CCDC60: variants seen among roughly 807,000 people sequenced by gnomAD.
The protein encoded by CCDC60 is coiled-coil domain-containing protein 60.
In CCDC60, 54 loss-of-function variants were observed where a neutral mutation model predicts 63.5. The observed-to-expected ratio is 0.85, with a 90% CI of 0.68 to 1.07. The LOEUF is 1.07. Among genes scored for constraint, CCDC60 ranks in the 50% least tolerant of loss-of-function variants. The pLI is 0.00. For synonymous variants in CCDC60, 206 were observed against 238.8 expected (o/e 0.86, Z 1.27); for missense variants, 651 against 684.3 (o/e 0.95, Z 0.54).
At chr12:119,429,358 A>G (rs1380290061) in intron 2 of CCDC60, among the ~76,000 whole-genome samples, 1 of 151,846 alleles carries the variant, frequency 6.6e-6, no homozygotes, top group Non-Finnish European at 1.5e-5. Flanking sequence ...ATCTCTGTCT[A>G]GTGAGATGGA....
intron 7 of CCDC60, among the ~76,000 whole-genome samples, chr12:119,506,438 CAAAAAAAAAAA>C (rs35584778): frequency 1.1e-5 from 1 of 87,390 alleles, no homozygotes; most frequent in Non-Finnish European, 2.2e-5. Flanking sequence ...CCTCATCTCT[CAAAAAAAAAAA>C]AAAAAAAAAA....
At chr12:119,354,466 G>A (rs1200120654) in intron 1 of CCDC60, among the ~76,000 whole-genome samples, 5 of 152,106 alleles carry the variant, frequency 3.3e-5, no homozygotes, top group Non-Finnish European at 5.9e-5. Flanking sequence ...GAAAATCATC[G>A]GGTGTCTCCA....
intron 9 of CCDC60, among the ~76,000 whole-genome samples, chr12:119,522,206 G>A (rs1952548599): frequency 6.6e-6 from 1 of 152,246 alleles, no homozygotes; most frequent in African/African-American, 2.4e-5. Flanking sequence ...GAGTCAGAGA[G>A]AAGGTGCTAG....
chr12:119,372,892 A>G (rs931367323), intron 1 of CCDC60, among the ~76,000 whole-genome samples: 1 of 152,216 alleles, frequency 6.6e-6, no homozygotes, highest in Non-Finnish European at 1.5e-5. Flanking sequence ...AACTCTAACA[A>G]GGCGTTTCAA....
rs567403878 is a variant in CCDC60 at position 119,426,008 on chromosome 12, A to C, written c.91-2675A>C. ...AGGGTGAACAGATGTTGTATGTGTGAGACAAACGAATGTTCATTATGCAAA... is the reference window on the plus strand; with the variant it reads ...AGGGTGAACAGATGTTGTATGTGTGCGACAAACGAATGTTCATTATGCAAA... On this transcript the variant is annotated intron_variant, in intron 1 of 13. Coordinates refer to ENST00000327554, the MANE Select transcript of CCDC60 (RefSeq NM_178499.5). Among the ~76,000 whole-genome samples the C allele has an allele frequency of 3.4e-4, 52 of 152,318 alleles. 2 individuals are homozygous for C. The South Asian group carries it at 0.011, about 32-fold the overall frequency.
chr12:119,409,306 T>A (rs1404904028), intron 1 of CCDC60, among the ~76,000 whole-genome samples: 3 of 152,114 alleles, frequency 2.0e-5, no homozygotes, highest in Non-Finnish European at 4.4e-5. Context: ...CTGATACGGC[T>A]TTGTGGGGGA....
chr12:119,493,411 A>G (rs1951638442), intron 5 of CCDC60, among the ~76,000 whole-genome samples: 1 of 152,168 alleles, frequency 6.6e-6, no homozygotes, highest in Non-Finnish European at 1.5e-5. Context: ...AAGCAGAAGA[A>G]CAATCTTTGT....
chr12:119,499,109 G>A (rs1484809081), intron 5 of CCDC60, among the ~76,000 whole-genome samples: 1 of 152,164 alleles, frequency 6.6e-6, no homozygotes, highest in Non-Finnish European at 1.5e-5. Flanking sequence ...CCCTCAGAGG[G>A]ATTATGTTAA....
chr12:119,368,878 T>C (rs530784984), intron 1 of CCDC60, among the ~76,000 whole-genome samples: 1 of 152,358 alleles, frequency 6.6e-6, no homozygotes, highest in African/African-American at 2.4e-5. Context: ...TTATTTCTCT[T>C]TCTATGCTGG....
chr12:119,517,644 T>G (rs1952389492), intron 8 of CCDC60, among the ~76,000 whole-genome samples: 1 of 152,056 alleles, frequency 6.6e-6, no homozygotes, highest in Non-Finnish European at 1.5e-5. Flanking sequence ...GCAGCACATG[T>G]GCAAACGTGG....
chr12:119,412,770 C>A (rs1431191633), intron 1 of CCDC60, among the ~76,000 whole-genome samples: 2 of 128,178 alleles, frequency 1.6e-5, no homozygotes, highest in Non-Finnish European at 1.6e-5. Context: ...CCCACCCCCC[C>A]CCACCCCCCC....
chr12:119,397,468 C>T (rs911850915), intron 1 of CCDC60, among the ~76,000 whole-genome samples: 1 of 151,882 alleles, frequency 6.6e-6, no homozygotes, highest in African/African-American at 2.4e-5. Flanking sequence ...GGTGCATTTG[C>T]AATCCTCTAG....
At chr12:119,500,205 A>G (rs1727390) in intron 6 of CCDC60, 37 bp downstream of exon 6, 2 of 1,381,520 alleles carry the variant, frequency 1.4e-6, no homozygotes, top group Admixed American at 3.7e-5. Context: ...TTTGGCTCCT[A>G]GGTCCCAGCT....
At chr12:119,387,068 ACACACACT>A (rs1956075119) in intron 1 of CCDC60, among the ~76,000 whole-genome samples, 1 of 148,680 alleles carries the variant, frequency 6.7e-6, no homozygotes. Context: ...ACACACACAC[ACACACACT>A]CTCCAATTAA....
intron 4 of CCDC60, among the ~76,000 whole-genome samples, chr12:119,482,083 CAT>C (rs143208719): frequency 0.033 from 4,523 of 136,898 alleles, 228 homozygotes; most frequent in African/African-American, 0.11. Context: ...ACTACTCATC[CAT>C]ATATATATAT....
At chr12:119,451,587 G>C (rs1433593106) in intron 2 of CCDC60, among the ~76,000 whole-genome samples, 1 of 152,124 alleles carries the variant, frequency 6.6e-6, no homozygotes, top group Non-Finnish European at 1.5e-5. Context: ...CTAATGCCAA[G>C]CCATGGACAT....
chr12:119,433,642 T>C lies in CCDC60; in HGVS notation c.170+4880T>C, dbSNP rs1260036808. On this transcript the variant is annotated intron_variant, in intron 2 of 13. Coordinates refer to ENST00000327554, the MANE Select transcript of CCDC60 (RefSeq NM_178499.5). Reference sequence around the variant, plus strand: ...AGGCGAATTGTTAACAAAGATGATGTTGACTTTTCCATCCATTGTTTCTTA... The same window carrying C: ...AGGCGAATTGTTAACAAAGATGATGCTGACTTTTCCATCCATTGTTTCTTA... 3 of 697,852 alleles carry C rather than the reference T, an allele frequency of 4.3e-6. No homozygotes were observed. In the South Asian group the frequency reaches 4.5e-5, roughly 10 times the overall value. The allele number at this position is 697,852 out of a possible 1,614,324, so 43.2% of individuals were successfully genotyped here. A position where few individuals can be genotyped will look rare whatever the true frequency, so the allele number is the denominator to read the frequency against.
chr12:119,370,362 A>C (rs1428587625), intron 1 of CCDC60, among the ~76,000 whole-genome samples: 2 of 152,228 alleles, frequency 1.3e-5, no homozygotes, highest in African/African-American at 4.8e-5. Flanking sequence ...CATGATAATG[A>C]ATTGCCGTGC....
intron 8 of CCDC60, 107 bp downstream of exon 8, chr12:119,516,814 C>T: frequency 2.9e-6 from 2 of 699,520 alleles, no homozygotes; most frequent in South Asian, 1.8e-5. Context: ...AGGCACTGAG[C>T]TGTGTTGTTT....
Sources: gnomAD v4.1 joint callset for allele counts (sites outside exome capture counted in the v4.1 genomes callset) on GRCh38, gnomAD v4.1.1 for gene constraint, MANE v1.5 for transcripts, NCBI Gene and HGNC (gene_info 2026-07-23, HGNC 2026-07-21) for gene names.